ATG4B: variants seen among roughly 807,000 people sequenced by gnomAD.
ATG4B encodes autophagy related 4B cysteine peptidase.
In ATG4B, 29 loss-of-function variants were observed where a neutral mutation model predicts 56.6. The observed-to-expected ratio is 0.51, with a 90% CI of 0.38 to 0.70. The LOEUF is 0.70. Ranked by LOEUF, ATG4B falls within the 30% of genes least tolerant of loss-of-function variation. The pLI, the probability that ATG4B is intolerant of heterozygous loss-of-function variation, is 0.00. For synonymous variants in ATG4B, 224 were observed against 206.1 expected (o/e 1.09, Z -0.74); for missense variants, 461 against 515.5 (o/e 0.89, Z 1.02).
intron 7 of ATG4B, among the ~76,000 whole-genome samples, chr2:241,662,160 A>AC (rs1559265390): frequency 6.6e-6 from 1 of 151,948 alleles, no homozygotes. Flanking sequence ...AGAGCTAAAG[A>AC]CCCCCAAATT....
chr2:241,643,208 G>T (rs897706941), intron 1 of ATG4B, among the ~76,000 whole-genome samples: 1 of 151,250 alleles, frequency 6.6e-6, no homozygotes, highest in South Asian at 2.1e-4. Context: ...TTCCTCCTGC[G>T]TGTCATCTTT....
At position 241,651,030 on chromosome 2, in the gene ATG4B, C is replaced by T; in HGVS notation, c.31C>T (p.Leu11Phe). Residue 11 changes from leucine (L) to phenylalanine (F), a missense_variant, in exon 2 of 13, where the codon CTC (leucine) becomes TTC (phenylalanine). Transcript: ENST00000404914. This position sits in a 1 kb window ranked among gnomAD's most constrained non-coding sequence, Gnocchi z 4.1. MDAATLTYDT[L>F]RFAEFEDFPE... ...AACAGCTACTCTGACCTACGACACT[C>T]TCCGGTTTGCTGAGTTTGAAGATTT... 4 of 1,613,922 alleles carry T rather than the reference C, an allele frequency of 2.5e-6. No homozygotes were observed. The highest frequency in any genetic ancestry group is 3.4e-6 in the Non-Finnish European group (4 of 1,179,854).
chr2:241,641,182 G>A (rs1369427109), intron 1 of ATG4B, among the ~76,000 whole-genome samples: 1 of 152,194 alleles, frequency 6.6e-6, no homozygotes, highest in Non-Finnish European at 1.5e-5. Context: ...TTTGTAGATT[G>A]GAAGTTGGGA....
chr2:241,638,131 C>T (rs1379776412), intron 1 of ATG4B: 1 of 159,024 alleles, frequency 6.3e-6, no homozygotes, highest in Non-Finnish European at 1.4e-5. Context: ...GAAAGCGTAG[C>T]CTTTCCGCAG....
rs775218794 is a variant in ATG4B at position 241,651,274 on chromosome 2, G to C, written c.123G>C (p.Glu41Asp). 4.4e-6 allele frequency: 7 copies of C among 1,600,298 alleles called. No homozygotes were observed. The South Asian group carries it at 4.5e-5, about 10-fold the overall frequency. Residue 41 changes from glutamate to aspartate, a missense_variant, in exon 3 of 13, where the codon GAG (glutamate) becomes GAC (aspartate). Glu to Asp is a conservative substitution (Grantham distance 45). Coordinates refer to ENST00000404914, the MANE Select transcript of ATG4B (RefSeq NM_013325.5). The surrounding 1 kb of genome is among the most constrained non-coding windows in gnomAD (Gnocchi z 4.1). ...RKYSIFTEKD[E>D]ILSDVASRLW... ...TTAAACAACCTCTAGAAAAGGACGA[G>C]ATCTTGTCTGATGTGGCATCTAGAC...
At chr2:241,646,975 G>T (rs1251610054) in intron 1 of ATG4B, among the ~76,000 whole-genome samples, 5 of 151,964 alleles carry the variant, frequency 3.3e-5, no homozygotes, top group Admixed American at 3.3e-4. Flanking sequence ...ATAGAGATGG[G>T]ATTTCACCAT....
Position 241,654,160 on chromosome 2 carries a change from C to G in ATG4B, c.284-386C>G, listed in dbSNP as rs4444570. On this transcript the variant is annotated intron_variant, in intron 4 of 12. Coordinates refer to ENST00000404914, the MANE Select transcript of ATG4B (RefSeq NM_013325.5). ...ATTCTGGGCTGGGTGTGGTGGCTCACGCCTGTAATCCCAGCACTTTGGGAT... is the reference window on the plus strand; with the variant it reads ...ATTCTGGGCTGGGTGTGGTGGCTCAGGCCTGTAATCCCAGCACTTTGGGAT... 3.3e-5 allele frequency among the ~76,000 whole-genome samples: 5 copies of G among 152,148 alleles called. No individual in the cohort carries two copies. The East Asian group carries it at 9.7e-4, about 29-fold the overall frequency.
intron 3 of ATG4B, among the ~76,000 whole-genome samples, chr2:241,652,563 T>C (rs1439462178): frequency 2.0e-5 from 3 of 152,214 alleles, no homozygotes; most frequent in African/African-American, 4.8e-5. Flanking sequence ...GGTTTCGCTA[T>C]GTTGCCCAGG....
chr2:241,639,156 C>G (rs1026193944), intron 1 of ATG4B, among the ~76,000 whole-genome samples: 1 of 152,214 alleles, frequency 6.6e-6, no homozygotes, highest in Non-Finnish European at 1.5e-5. Context: ...GTCCCGCCAG[C>G]TGTTTCAAGC....
Position 241,669,069 on chromosome 2 carries a change from T to C in ATG4B, c.957+384T>C, listed in dbSNP as rs144748754. On this transcript the variant is annotated intron_variant, in intron 10 of 12. Coordinates refer to ENST00000404914, the MANE Select transcript of ATG4B (RefSeq NM_013325.5). Reference sequence around the variant, plus strand: ...CTGCACCACCTTCGTCACACCCACATTTAAACACGGGCGGCCCCTCCACCC... The same window carrying C: ...CTGCACCACCTTCGTCACACCCACACTTAAACACGGGCGGCCCCTCCACCC... Among the ~76,000 whole-genome samples, 931 of 99,334 alleles carry C rather than the reference T, an allele frequency of 9.4e-3. 12 individuals carry two copies. The highest frequency in any genetic ancestry group is 0.026 in the African/African-American group (903 of 34,274). 65.2% of individuals were successfully genotyped at this position (99,334 alleles called of 152,430 possible). A position where few individuals can be genotyped will look rare whatever the true frequency, so the allele number is the denominator to read the frequency against.
At chr2:241,655,129 T>A in intron 5 of ATG4B, 142 bp from the exon 6 acceptor site, 1 of 744,552 alleles carries the variant, frequency 1.3e-6, no homozygotes, top group Non-Finnish European at 2.3e-6. Flanking sequence ...CCTCCCCCGA[T>A]CTTGTTGGGG....
intron 4 of ATG4B, 92 bp from the exon 5 acceptor site, chr2:241,654,454 A>G: frequency 1.5e-6 from 1 of 662,252 alleles, no homozygotes; most frequent in African/African-American, 1.9e-5. Context: ...ATTCTGAAAA[A>G]GGTTTGGATG....
intron 11 of ATG4B, among the ~76,000 whole-genome samples, 197 bp from the exon 12 acceptor site, chr2:241,671,115 G>A (rs1253689941): frequency 3.9e-5 from 6 of 152,344 alleles, no homozygotes; most frequent in East Asian, 3.9e-4. Context: ...CCCCTCTGCC[G>A]TGGTGGTCAG....
At chr2:241,663,612 C>T (rs1477354569) in intron 7 of ATG4B, among the ~76,000 whole-genome samples, 3 of 151,912 alleles carry the variant, frequency 2.0e-5, no homozygotes, top group East Asian at 1.9e-4. Flanking sequence ...CTCAAGAATT[C>T]GGAAAAAGCA....
intron 1 of ATG4B, among the ~76,000 whole-genome samples, chr2:241,650,639 G>A (rs151281688): frequency 6.6e-6 from 1 of 151,982 alleles, no homozygotes; most frequent in Non-Finnish European, 1.5e-5. Flanking sequence ...CTTGAATCGG[G>A]TGGGTTTTCA....
In ATG4B at chr2:241,671,235, G is replaced by A; in HGVS notation, c.1015-77G>A. ...GATGACAGGTTTGTCCGCTGGCTGT[G>A]GCCGGCTGGCCCCTTTCTCTTGGCC... On this transcript the variant is annotated intron_variant, in intron 11 of 12. Coordinates refer to ENST00000404914, the MANE Select transcript of ATG4B (RefSeq NM_013325.5). 4 of 1,321,320 alleles carry A rather than the reference G, an allele frequency of 3.0e-6. No individual in the cohort carries two copies. The South Asian group carries it at 3.9e-5, about 13-fold the overall frequency. 81.8% of individuals were successfully genotyped at this position (1,321,320 alleles called of 1,614,324 possible).
intron 10 of ATG4B, among the ~76,000 whole-genome samples, chr2:241,669,042 C>CCACT (rs201106839): frequency 4.0e-5 from 4 of 101,248 alleles, no homozygotes; most frequent in African/African-American, 5.7e-5. Flanking sequence ...CTCCACCCAC[C>CCACT]CCTGCACCAC....
intron 7 of ATG4B, among the ~76,000 whole-genome samples, chr2:241,661,425 AGTG>A (rs1263458974): frequency 6.6e-6 from 1 of 152,148 alleles, no homozygotes; most frequent in Non-Finnish European, 1.5e-5. Context: ...AGGAGGGAGT[AGTG>A]GGGGGAGGGC....
chr2:241,651,165 T>C lies in ATG4B; in HGVS notation c.112+54T>C. On this transcript the variant is annotated intron_variant, in intron 2 of 12. Coordinates refer to ENST00000404914, the MANE Select transcript of ATG4B (RefSeq NM_013325.5). The surrounding 1 kb of genome is among the most constrained non-coding windows in gnomAD (Gnocchi z 4.1). ...TCTGACCGCTTGGCCTGCAGAAGCATTTTGTGATCACTGTTCTCTGCTAAC... is the reference window on the plus strand; with the variant it reads ...TCTGACCGCTTGGCCTGCAGAAGCACTTTGTGATCACTGTTCTCTGCTAAC... The C allele has an allele frequency of 6.4e-7, 1 of 1,565,670 alleles. No homozygotes were observed. Among genetic ancestry groups the C allele is most frequent in the East Asian group, 2.3e-5 (1 of 43,758 alleles).
Sources: gnomAD v4.1 joint callset for allele counts (sites outside exome capture counted in the v4.1 genomes callset) on GRCh38, gnomAD v4.1.1 for gene constraint, Gnocchi (gnomAD v3.1) non-coding constraint, MANE v1.5 for transcripts, NCBI Gene and HGNC (gene_info 2026-07-23, HGNC 2026-07-21) for gene names.